NRXN3: variants seen among roughly 807,000 people sequenced by gnomAD.
NRXN3 encodes the protein neurexin III.
In NRXN3, 32 loss-of-function variants were observed where a neutral mutation model predicts 137.6. The observed-to-expected ratio is 0.23, with a 90% CI of 0.18 to 0.31. NRXN3 has a LOEUF of 0.31. Among genes scored for constraint, NRXN3 ranks in the 10% least tolerant of loss-of-function variants. The pLI, the probability that NRXN3 is intolerant of heterozygous loss-of-function variation, is 1.00. For missense variants in NRXN3, 1,574 were observed against 2,062.5 expected (o/e 0.76, Z 4.59); for synonymous variants, 798 against 784.5 (o/e 1.02, Z -0.29).
chr14:78,414,466 C>T (rs1444203897), intron 4 of NRXN3, among the ~76,000 whole-genome samples: 1 of 152,120 alleles, frequency 6.6e-6, no homozygotes, highest in African/African-American at 2.4e-5. Context: ...AAGTTGGCTG[C>T]CAAAAATGTT....
chr14:78,291,264 C>T (rs908002392), intron 3 of NRXN3, among the ~76,000 whole-genome samples: 6 of 152,184 alleles, frequency 3.9e-5, no homozygotes, highest in African/African-American at 1.4e-4. Flanking sequence ...CTCTCAGCTT[C>T]GGTTTTCTCA....
At chr14:79,647,143 T>G (rs1567766371) in intron 16 of NRXN3, among the ~76,000 whole-genome samples, 1 of 136,218 alleles carries the variant, frequency 7.3e-6, no homozygotes, top group Non-Finnish European at 1.7e-5. Context: ...TTGGCCCACT[T>G]AAACCTCAAC....
At chr14:78,388,610 G>A (rs2153638574) in intron 4 of NRXN3, among the ~76,000 whole-genome samples, 1 of 152,140 alleles carries the variant, frequency 6.6e-6, no homozygotes, top group East Asian at 1.9e-4. Context: ...GGCTACTTTT[G>A]CTCTACGATG....
intron 4 of NRXN3, among the ~76,000 whole-genome samples, chr14:78,358,637 G>A (rs1055208920): frequency 1.3e-5 from 2 of 152,158 alleles, no homozygotes; most frequent in South Asian, 2.1e-4. Flanking sequence ...GGCTAAGAAC[G>A]TTTGGGTAGC....
rs559428931 is a variant in NRXN3, at chr14:78,433,773, C to T, written c.757+135913C>T. Among the ~76,000 whole-genome samples the T allele has an allele frequency of 2.0e-5, 3 of 152,220 alleles. No homozygotes were observed. In the South Asian group the frequency reaches 6.2e-4, roughly 32 times the overall value. On this transcript the variant is annotated intron_variant, in intron 4 of 20. Coordinates refer to ENST00000335750, the MANE Select transcript of NRXN3 (RefSeq NM_001330195.2). ...AGAAACGGTAAGAAATAAATCTCTGCTCTTTATAAATTACCCAGTCTCCAG... is the reference window on the plus strand; with the variant it reads ...AGAAACGGTAAGAAATAAATCTCTGTTCTTTATAAATTACCCAGTCTCCAG...
chr14:79,420,274 CAAG>C lies in NRXN3; in HGVS notation c.3263-46944_3263-46942del, dbSNP rs372348175. Among the ~76,000 whole-genome samples the C allele has an allele frequency of 3.1e-4, 47 of 152,148 alleles. No homozygotes were observed. The East Asian group carries it at 8.7e-3, about 28-fold the overall frequency. On this transcript the variant is annotated intron_variant, in intron 15 of 20. Coordinates refer to ENST00000335750, the MANE Select transcript of NRXN3 (RefSeq NM_001330195.2). ...TGAGGTACACAGTGAAGTAAATTTCCAAGAACATGTAAAATAGAAATGAATGAC... is the reference window on the plus strand; with the variant it reads ...TGAGGTACACAGTGAAGTAAATTTCCAACATGTAAAATAGAAATGAATGAC...
At chr14:79,794,641 C>T (rs1019576578) in intron 19 of NRXN3, among the ~76,000 whole-genome samples, 4 of 152,114 alleles carry the variant, frequency 2.6e-5, no homozygotes, top group South Asian at 2.1e-4. Context: ...ACAGAGGACA[C>T]GATATAGAAT....
chr14:79,801,208 A>G (rs2099178824), intron 19 of NRXN3, among the ~76,000 whole-genome samples: 1 of 152,238 alleles, frequency 6.6e-6, no homozygotes, highest in Non-Finnish European at 1.5e-5. Context: ...TATAAGACCC[A>G]CACAGATTGT....
chr14:79,865,804 ATTTT>A lies in NRXN3; in HGVS notation c.*3843_*3846del, dbSNP rs1222299665. The A allele has an allele frequency of 1.3e-5, 2 of 151,850 alleles. No homozygotes were observed. The highest frequency in any genetic ancestry group is 2.9e-5 in the Non-Finnish European group (2 of 67,998). The allele number at this position is 151,850 out of a possible 1,614,324, so 9.4% of individuals were successfully genotyped here. On this transcript the variant is annotated 3_prime_UTR_variant, in exon 21 of 21. Coordinates refer to ENST00000335750, the MANE Select transcript of NRXN3 (RefSeq NM_001330195.2). ...CCACACCCAGCTCATTTTTTAATTT[ATTTT>A]TTATTTTTTTAGTAAGGAAGGGTTT...
intron 15 of NRXN3, among the ~76,000 whole-genome samples, chr14:79,358,607 G>GAAAGAAGGAAAGAA (rs10667477): frequency 8.5e-4 from 68 of 79,984 alleles, no homozygotes; most frequent in African/African-American, 2.7e-3. Context: ...AAGAAAGAAA[G>GAAAGAAGGAAAGAA]AGAAAGAAAG....
chr14:79,149,736 C>T (rs894667137), intron 15 of NRXN3, among the ~76,000 whole-genome samples: 1 of 152,024 alleles, frequency 6.6e-6, no homozygotes, highest in Non-Finnish European at 1.5e-5. Context: ...AGCCATTATC[C>T]TCAGCAAACC....
chr14:79,356,401 G>A (rs1450713147), intron 15 of NRXN3, among the ~76,000 whole-genome samples: 1 of 152,028 alleles, frequency 6.6e-6, no homozygotes, highest in African/African-American at 2.4e-5. Flanking sequence ...TGCTTTTCCT[G>A]GAATGCACAA....
At chr14:78,288,775 G>A (rs1315760018) in intron 3 of NRXN3, among the ~76,000 whole-genome samples, 1 of 152,194 alleles carries the variant, frequency 6.6e-6, no homozygotes, top group Non-Finnish European at 1.5e-5. Context: ...GCATGAGGAA[G>A]CCTCACCACT....
intron 16 of NRXN3, among the ~76,000 whole-genome samples, chr14:79,658,416 A>G (rs911455734): frequency 2.0e-5 from 3 of 152,128 alleles, no homozygotes; most frequent in Non-Finnish European, 2.9e-5. Context: ...TCCTCACTCA[A>G]TGACCCGGAA....
chr14:79,690,390 C>T (rs1237949411), intron 17 of NRXN3, among the ~76,000 whole-genome samples: 4 of 152,102 alleles, frequency 2.6e-5, no homozygotes, highest in African/African-American at 9.7e-5. Context: ...TTGCCTGTCT[C>T]TTTTTCCTCT....
rs1008469718 is a variant in NRXN3 at position 79,177,285 on chromosome 14, G to C, written c.3262+189144G>C. ...ATATGCATGAGCTGTTGGGGGAAGA[G>C]AGCATAAAGTGTGAATCACACTTCA... On this transcript the variant is annotated intron_variant, in intron 15 of 20. Transcript: ENST00000335750. 2.0e-5 allele frequency among the ~76,000 whole-genome samples: 3 copies of C among 152,152 alleles called. No homozygotes were observed. In the East Asian group the frequency reaches 5.8e-4, roughly 29 times the overall value.
chr14:78,554,969 A>G (rs572298761), intron 4 of NRXN3, among the ~76,000 whole-genome samples: 2 of 152,230 alleles, frequency 1.3e-5, no homozygotes, highest in East Asian at 3.9e-4. Flanking sequence ...AACATAGAAC[A>G]GTCGAGAGCA....
intron 15 of NRXN3, among the ~76,000 whole-genome samples, chr14:79,260,955 T>G (rs2077495195): frequency 6.6e-6 from 1 of 152,200 alleles, no homozygotes; most frequent in Non-Finnish European, 1.5e-5. Flanking sequence ...TAACAAGATC[T>G]GGGCTACCCA....
chr14:79,139,809 G>A (rs1230189712), intron 15 of NRXN3, among the ~76,000 whole-genome samples: 1 of 151,644 alleles, frequency 6.6e-6, no homozygotes, highest in African/African-American at 2.4e-5. Context: ...ATGATTTCAA[G>A]TCATAATCTG....
Sources: allele counts gnomAD v4.1 joint callset (sites outside exome capture counted in the v4.1 genomes callset), GRCh38; gene constraint gnomAD v4.1.1; transcripts MANE v1.5; gene names NCBI Gene and HGNC (gene_info 2026-07-23, HGNC 2026-07-21).